Variants in PIGN observed in about 807,000 individuals in gnomAD.
PIGN encodes the protein phosphatidylinositol glycan anchor biosynthesis class N, also known as GPI ethanolamine phosphate transferase 1.
In PIGN, 117 loss-of-function variants were observed where a neutral mutation model predicts 125.4. That is an observed-to-expected ratio of 0.93 (90% CI 0.80 to 1.09). The LOEUF is 1.09. PIGN is among the 50% of genes least tolerant of loss of function. The pLI, the probability that PIGN is intolerant of heterozygous loss-of-function variation, is 0.00. For synonymous variants in PIGN, 392 were observed against 377.8 expected (o/e 1.04, Z -0.44); for missense variants, 1,075 against 1,094.9 (o/e 0.98, Z 0.26).
chr18:62,148,470 G>A, intron 7 of PIGN, 132 bp from the exon 8 acceptor site: 1 of 533,046 alleles, frequency 1.9e-6, no homozygotes, highest in Non-Finnish European at 3.1e-6. Context: ...CTGTGCTCAA[G>A]ACCTACCAAC....
intron 1 of PIGN, among the ~76,000 whole-genome samples, chr18:62,183,271 C>A (rs1219535136): frequency 9.2e-5 from 13 of 140,810 alleles, no homozygotes; most frequent in African/African-American, 2.5e-4. Context: ...AAAAAAAAAA[C>A]TCTCCAGTGC....
chr18:62,178,586 T>C (rs1236008551), intron 1 of PIGN, among the ~76,000 whole-genome samples: 1 of 146,148 alleles, frequency 6.8e-6, no homozygotes, highest in Non-Finnish European at 1.5e-5. Context: ...CCTGGGAACA[T>C]AGCAAGACCC....
Position 62,147,000 on chromosome 18 carries a change from A to G in PIGN, c.776T>C (p.Phe259Ser), listed in dbSNP as rs370310838. The change falls in exon 9 of 31, where the codon TTT becomes TCT. Residue 259 changes from phenylalanine to serine, a missense_variant. This residue lies in a region of PIGN where 915 missense variants were observed against 908.7 expected (regional missense o/e 1.01). Coordinates refer to ENST00000640252, the MANE Select transcript of PIGN (RefSeq NM_176787.5). ...GTCTGTCATTCCATGGTCAGAGGTAAAGATAAATGTTGTTTTCCCATCATT... is the reference window on the plus strand; with the variant it reads ...GTCTGTCATTCCATGGTCAGAGGTAGAGATAAATGTTGTTTTCCCATCATT... Reference protein sequence around the residue: ...YGNDGKTTFIFTSDHGMTDWG... With the variant: ...YGNDGKTTFISTSDHGMTDWG... 1.7e-5 allele frequency: 28 copies of G among 1,612,302 alleles called. No individual in the cohort carries two copies. The African/African-American group carries it at 3.5e-4, about 20-fold the overall frequency.
chr18:62,062,135 T>C (rs527512859), intron 30 of PIGN, among the ~76,000 whole-genome samples: 2 of 152,258 alleles, frequency 1.3e-5, no homozygotes, highest in Admixed American at 1.3e-4. Flanking sequence ...GGCAATTCCA[T>C]TTAGAAAGCC....
intron 23 of PIGN, among the ~76,000 whole-genome samples, chr18:62,017,968 G>C (rs1161598453): frequency 1.3e-5 from 2 of 152,180 alleles, no homozygotes; most frequent in Non-Finnish European, 2.9e-5. Context: ...CAATGAATTT[G>C]AGTTGGCAAC....
At chr18:62,148,461 T>C (rs2036415767) in intron 7 of PIGN, 123 bp from the exon 8 acceptor site, 1 of 611,708 alleles carries the variant, frequency 1.6e-6, no homozygotes, top group South Asian at 2.2e-5. Flanking sequence ...TGTTTAAATC[T>C]GTGCTCAAGA....
intron 23 of PIGN, among the ~76,000 whole-genome samples, chr18:62,033,259 A>G (rs1247010833): frequency 6.6e-6 from 1 of 152,224 alleles, no homozygotes; most frequent in African/African-American, 2.4e-5. Context: ...AACGCTGACA[A>G]TCAAAATAAC....
intron 28 of PIGN, among the ~76,000 whole-genome samples, chr18:62,081,015 A>G (rs2033423275): frequency 6.6e-6 from 1 of 152,214 alleles, no homozygotes; most frequent in Admixed American, 6.5e-5. Flanking sequence ...GTTATGAAAA[A>G]AAACAATGTT....
intron 29 of PIGN, 69 bp downstream of exon 29, chr18:62,074,710 T>C: frequency 1.0e-6 from 1 of 978,436 alleles, no homozygotes; most frequent in Non-Finnish European, 1.6e-6. Flanking sequence ...AATGCATTCA[T>C]ATTTCTCTTT....
At chr18:62,061,918 C>T (rs1032935518) in intron 30 of PIGN, among the ~76,000 whole-genome samples, 4 of 152,064 alleles carry the variant, frequency 2.6e-5, no homozygotes, top group African/African-American at 7.2e-5. Flanking sequence ...CGTACATTTC[C>T]CCCTACTTCC....
chr18:62,131,348 C>A (rs1295870606), intron 14 of PIGN, among the ~76,000 whole-genome samples: 3 of 152,112 alleles, frequency 2.0e-5, no homozygotes, highest in African/African-American at 7.2e-5. Context: ...CTGAAGAGAT[C>A]TTTTTTGCTT....
intron 30 of PIGN, among the ~76,000 whole-genome samples, chr18:62,063,086 A>G (rs1393008086): frequency 6.6e-6 from 1 of 151,306 alleles, no homozygotes; most frequent in Non-Finnish European, 1.5e-5. Context: ...CATGAGAGGA[A>G]GGGAAAACAA....
intron 30 of PIGN, among the ~76,000 whole-genome samples, chr18:62,060,936 C>G (rs1305344518): frequency 6.6e-6 from 1 of 152,084 alleles, no homozygotes; most frequent in Non-Finnish European, 1.5e-5. Flanking sequence ...GTGTAAAGAT[C>G]AAAAGAAGAA....
In PIGN at chr18:62,148,256, A is replaced by G; in HGVS notation, c.632T>C (p.Leu211Ser). The G allele has an allele frequency of 1.3e-6, 2 of 1,539,794 alleles. No homozygotes were observed. Among genetic ancestry groups the G allele is most frequent in the Non-Finnish European group, 1.8e-6 (2 of 1,140,798 alleles). ...EEKIVFFLHL[L>S]GIDTNGHAHR... ...AGCATGTCCGTTTGTATCTATTCCTAATAAATGTAAGAAAAAAACTATTTT... is the reference window on the plus strand; with the variant it reads ...AGCATGTCCGTTTGTATCTATTCCTGATAAATGTAAGAAAAAAACTATTTT... Residue 211 changes from leucine to serine, a missense_variant, in exon 8 of 31, where the codon TTA becomes TCA. Physicochemically the swap from Leu to Ser is moderately radical, Grantham distance 145. Around this residue, in one of 3 missense-constraint regions of PIGN, gnomAD observed 915 missense variants for 908.7 expected, o/e 1.01. Coordinates refer to ENST00000640252, the MANE Select transcript of PIGN (RefSeq NM_176787.5).
At chr18:62,039,790 G>A (rs1257461877), downstream of PIGN, among the ~76,000 whole-genome samples, 18 of 76,656 alleles carry the variant, frequency 2.3e-4, no homozygotes, top group African/African-American at 8.0e-4. Flanking sequence ...CCAGAGTGCC[G>A]CACCCCATGT....
intron 17 of PIGN, 55 bp downstream of exon 17, chr18:62,109,779 A>G: frequency 6.8e-7 from 1 of 1,478,344 alleles, no homozygotes; most frequent in South Asian, 1.3e-5. Flanking sequence ...CATTTTAAAT[A>G]CAGATTTAAC....
At chr18:62,160,749 T>A (rs1260138287) in intron 4 of PIGN, among the ~76,000 whole-genome samples, 1 of 152,192 alleles carries the variant, frequency 6.6e-6, no homozygotes, top group Non-Finnish European at 1.5e-5. Flanking sequence ...CCTCAGGTGA[T>A]CCCTGTGCCT....
chr18:62,145,996 T>C lies in PIGN; in HGVS notation c.835A>G (p.Thr279Ala). The change falls in exon 10 of 31, where the codon ACT becomes GCT. Residue 279 changes from threonine to alanine, a missense_variant. Thr to Ala is a moderately conservative substitution (Grantham distance 58). Coordinates refer to ENST00000640252, the MANE Select transcript of PIGN (RefSeq NM_176787.5). ...CCCCAAGTGACTAAAGGAGTTAAAG[T>C]CTCTGAAGGATGACCAGCCCCATGG... ...GSHGAGHPSE[T>A]LTPLVTWGAG... The C allele has an allele frequency of 6.3e-7, 1 of 1,599,046 alleles. No homozygotes were observed. The highest frequency in any genetic ancestry group is 8.5e-7 in the Non-Finnish European group (1 of 1,171,218).
In PIGN at chr18:62,154,827, C is replaced by T. The variant is rs56100363; in HGVS notation, c.443-176G>A. 0.16 allele frequency among the ~76,000 whole-genome samples: 24,915 copies of T among 152,060 alleles called. 2,727 individuals carry two copies. The highest frequency in any genetic ancestry group is 0.29 in the Middle Eastern group (84 of 294). On this transcript the variant is annotated intron_variant, in intron 6 of 30. Coordinates refer to ENST00000640252, the MANE Select transcript of PIGN (RefSeq NM_176787.5). ...AATTAACATTTATTTATGTTATGTG[C>T]TATGGACCATGCTACATACTTTAAT...
Sources: allele counts gnomAD v4.1 joint callset (sites outside exome capture counted in the v4.1 genomes callset), GRCh38; gene constraint gnomAD v4.1.1; regional missense constraint gnomAD v4.1.1; transcripts MANE v1.5; gene names NCBI Gene and HGNC (gene_info 2026-07-23, HGNC 2026-07-21).